TGFA: variants seen among roughly 807,000 people sequenced by gnomAD.
TGFA encodes the protein protransforming growth factor alpha.
A neutral mutation model predicts 21.7 loss-of-function variants in TGFA; 12 were observed. That is an observed-to-expected ratio of 0.55 (90% confidence interval 0.35 to 0.90). The LOEUF (loss-of-function observed/expected upper bound fraction) is 0.90. Among genes scored for constraint, TGFA ranks in the 40% least tolerant of loss-of-function variants. The probability of loss-of-function intolerance (pLI) is 0.01; values close to 1 mark genes in which losing one functional copy is unlikely to be tolerated. For missense variants in TGFA, 178 were observed against 210.8 expected (o/e 0.84, Z 0.96); for synonymous variants, 79 against 88.1 (o/e 0.90, Z 0.58).
At chr2:70,450,984 C>T (rs782392738) in intron 5 of TGFA, 118 bp from the exon 6 acceptor site, 29 of 1,260,892 alleles carry the variant, frequency 2.3e-5, no homozygotes, top group Middle Eastern at 1.9e-4. Context: ...TTCTCTCGGG[C>T]AGTTAGGCCC....
intron 1 of TGFA, among the ~76,000 whole-genome samples, chr2:70,524,321 C>T (rs1402631525): frequency 6.6e-6 from 1 of 152,252 alleles, no homozygotes; most frequent in African/African-American, 2.4e-5. Context: ...ATCTATGCCA[C>T]ACCCTTTTGT....
intron 1 of TGFA, among the ~76,000 whole-genome samples, chr2:70,546,636 G>A (rs1339795706): frequency 1.3e-5 from 2 of 151,202 alleles, no homozygotes; most frequent in African/African-American, 2.4e-5. Flanking sequence ...ACCACACCCC[G>A]CTAATTTTTC....
intron 2 of TGFA, among the ~76,000 whole-genome samples, chr2:70,499,754 G>A (rs192715603): frequency 1.4e-4 from 22 of 152,338 alleles, no homozygotes; most frequent in Non-Finnish European, 2.6e-4. Flanking sequence ...ACAGGGACAT[G>A]AGAAAGCACT....
chr2:70,498,946 C>T (rs1376895471), intron 2 of TGFA, among the ~76,000 whole-genome samples: 2 of 152,134 alleles, frequency 1.3e-5, no homozygotes, highest in African/African-American at 2.4e-5. Context: ...TTAAAAATTA[C>T]TGATGCCTGG....
chr2:70,507,953 C>T (rs1469896163), intron 2 of TGFA, among the ~76,000 whole-genome samples: 1 of 152,214 alleles, frequency 6.6e-6, no homozygotes, highest in Non-Finnish European at 1.5e-5. Flanking sequence ...TATATATTTA[C>T]CAAGAGGCCA....
At chr2:70,504,410 A>G (rs1022421758) in intron 2 of TGFA, among the ~76,000 whole-genome samples, 2 of 142,862 alleles carry the variant, frequency 1.4e-5, no homozygotes, top group Non-Finnish European at 3.1e-5. Context: ...ACTCTGTACC[A>G]AAACCAAAAA....
intron 2 of TGFA, among the ~76,000 whole-genome samples, chr2:70,506,286 G>A (rs1449052884): frequency 3.3e-5 from 5 of 152,218 alleles, no homozygotes; most frequent in African/African-American, 9.6e-5. Context: ...CTGTCCGGCC[G>A]AGGTAAAGCA....
At chr2:70,533,282 A>G (rs913309713) in intron 1 of TGFA, among the ~76,000 whole-genome samples, 1 of 152,204 alleles carries the variant, frequency 6.6e-6, no homozygotes, top group Non-Finnish European at 1.5e-5. Context: ...ATTTCGACCC[A>G]AAGGGACTGC....
intron 1 of TGFA, among the ~76,000 whole-genome samples, chr2:70,515,744 T>G (rs1200672534): frequency 4.6e-5 from 7 of 152,054 alleles, no homozygotes; most frequent in Non-Finnish European, 8.8e-5. Flanking sequence ...GCCATGTACT[T>G]AACCCCAGGC....
intron 2 of TGFA, among the ~76,000 whole-genome samples, chr2:70,491,770 C>T (rs1671445690): frequency 6.6e-6 from 1 of 152,184 alleles, no homozygotes; most frequent in Admixed American, 6.5e-5. Flanking sequence ...GAAAGGCTCA[C>T]ATATGGCTTC....
chr2:70,528,202 T>C (rs375580736), intron 1 of TGFA, among the ~76,000 whole-genome samples: 1 of 152,400 alleles, frequency 6.6e-6, no homozygotes, highest in East Asian at 1.9e-4. Context: ...GTCTTAACTT[T>C]AGTTAATAAT....
At chr2:70,550,942 G>A (rs1553506723) in intron 1 of TGFA, among the ~76,000 whole-genome samples, 1 of 152,192 alleles carries the variant, frequency 6.6e-6, no homozygotes, top group Non-Finnish European at 1.5e-5. Context: ...TTTAGGTTGG[G>A]TGATATTTTT....
chr2:70,537,826 A>T (rs1394494469), intron 1 of TGFA, among the ~76,000 whole-genome samples: 1 of 152,254 alleles, frequency 6.6e-6, no homozygotes, highest in Non-Finnish European at 1.5e-5. Context: ...CAGAAGATCT[A>T]GCTAAGACCA....
At chr2:70,462,279 G>A (rs1219788764) in intron 3 of TGFA, among the ~76,000 whole-genome samples, 5 of 152,230 alleles carry the variant, frequency 3.3e-5, no homozygotes, top group Admixed American at 3.3e-4. Context: ...AATACAAAAA[G>A]GGATAAGGTG....
intron 2 of TGFA, among the ~76,000 whole-genome samples, chr2:70,512,333 G>C (rs1672128577): frequency 6.6e-6 from 1 of 152,126 alleles, no homozygotes; most frequent in African/African-American, 2.4e-5. Flanking sequence ...ATCAAACAGA[G>C]AGCAACAGAG....
chr2:70,502,691 T>C (rs1483446218), intron 2 of TGFA, among the ~76,000 whole-genome samples: 1 of 152,236 alleles, frequency 6.6e-6, no homozygotes, highest in Non-Finnish European at 1.5e-5. Context: ...ATGGCCCTTA[T>C]GACTTTAAGC....
chr2:70,463,244 G>A (rs528119053), intron 3 of TGFA, among the ~76,000 whole-genome samples: 10 of 152,276 alleles, frequency 6.6e-5, no homozygotes, highest in African/African-American at 2.4e-4. Flanking sequence ...GGTATGCAGA[G>A]TGCTGGGTAC....
chr2:70,517,191 C>T (rs13393308), intron 1 of TGFA, among the ~76,000 whole-genome samples: 9,834 of 152,264 alleles, frequency 0.065, 1,071 homozygotes, highest in African/African-American at 0.22. Context: ...TGCAAAACCA[C>T]GATGTTCCAC....
intron 2 of TGFA, among the ~76,000 whole-genome samples, chr2:70,475,362 T>C (rs1185660610): frequency 2.0e-5 from 3 of 152,174 alleles, no homozygotes; most frequent in African/African-American, 7.2e-5. Flanking sequence ...CCTCACTATC[T>C]CATCTTACAG....
Sources: gnomAD v4.1 joint callset for allele counts (sites outside exome capture counted in the v4.1 genomes callset) on GRCh38, gnomAD v4.1.1 for gene constraint, MANE v1.5 for transcripts, NCBI Gene and HGNC (gene_info 2026-07-23, HGNC 2026-07-21) for gene names.